PHACTR1: variants seen among roughly 807,000 people sequenced by gnomAD.
PHACTR1 encodes phosphatase and actin regulator 1, also known as RPEL repeat containing 1.
A neutral mutation model predicts 69.2 loss-of-function variants in PHACTR1; 16 were observed. The observed-to-expected ratio is 0.23, with a 90% confidence interval of 0.16 to 0.35. PHACTR1 has a LOEUF of 0.35. PHACTR1 is among the 10% of genes least tolerant of loss of function. The pLI, the probability that PHACTR1 is intolerant of heterozygous loss-of-function variation, is 1.00. For synonymous variants in PHACTR1, 312 were observed against 284.5 expected, an observed-to-expected ratio of 1.10 and a Z score of -0.97; for missense variants, 510 against 734.7, an observed-to-expected ratio of 0.69 and a Z score of 3.54.
chr6:13,284,631 G>T (rs1203500032), intron 13 of PHACTR1, among the ~76,000 whole-genome samples: 3 of 138,448 alleles, frequency 2.2e-5, no homozygotes, highest in African/African-American at 8.3e-5. Flanking sequence ...TGTAGGTAAC[G>T]ATAGAAACTA....
chr6:12,849,574 T>C (rs1030234116), intron 4 of PHACTR1, among the ~76,000 whole-genome samples: 8 of 152,140 alleles, frequency 5.3e-5, no homozygotes, highest in Admixed American at 4.6e-4. Flanking sequence ...AGAGTCCATA[T>C]GGGCGGGAAG....
At chr6:12,790,346 A>G (rs979119899) in intron 4 of PHACTR1, among the ~76,000 whole-genome samples, 4 of 152,118 alleles carry the variant, frequency 2.6e-5, no homozygotes, top group African/African-American at 9.7e-5. Context: ...CACGTCAGGG[A>G]CACTGGTGCC....
chr6:13,157,463 C>A (rs114544084), intron 5 of PHACTR1, among the ~76,000 whole-genome samples: 1,541 of 152,322 alleles, frequency 0.01, 12 homozygotes, highest in Middle Eastern at 0.027. Flanking sequence ...TTATTTCCAG[C>A]CCCAGCCGGT....
At chr6:12,751,495 A>G (rs1766614574) in intron 4 of PHACTR1, among the ~76,000 whole-genome samples, 1 of 152,248 alleles carries the variant, frequency 6.6e-6, no homozygotes, top group East Asian at 1.9e-4. Flanking sequence ...TGCTTAGCCC[A>G]GGAGGAACAG....
chr6:13,094,715 A>G (rs1400811327), intron 5 of PHACTR1, among the ~76,000 whole-genome samples: 1 of 152,226 alleles, frequency 6.6e-6, no homozygotes, highest in Admixed American at 6.5e-5. Flanking sequence ...CAGCACAATT[A>G]TACTACAATC....
At chr6:12,732,800 T>C (rs138671174) in intron 3 of PHACTR1, among the ~76,000 whole-genome samples, 3 of 152,360 alleles carry the variant, frequency 2.0e-5, no homozygotes, top group African/African-American at 7.2e-5. Flanking sequence ...AAGTAGTTCA[T>C]TCTAACTGAA....
chr6:12,967,634 G>A lies in PHACTR1; in HGVS notation c.251-85731G>A, dbSNP rs188855685. ...GAGATCTGGTAGTGTAGAAACAAAG[G>A]CTATGACAAAGAAACCTAAGAAATC... On this transcript the variant is annotated intron_variant, in intron 4 of 14. Coordinates refer to ENST00000332995, the MANE Select transcript of PHACTR1 (RefSeq NM_030948.6). 3.3e-5 allele frequency among the ~76,000 whole-genome samples: 5 copies of A among 151,246 alleles called. No individual in the cohort carries two copies. The East Asian group carries it at 9.8e-4, about 30-fold the overall frequency.
At chr6:12,722,705 G>T (rs925534870) in intron 3 of PHACTR1, among the ~76,000 whole-genome samples, 1 of 152,166 alleles carries the variant, frequency 6.6e-6, no homozygotes, top group Non-Finnish European at 1.5e-5. Flanking sequence ...ACCTCAAGGT[G>T]GGGGAGATCA....
At chr6:13,035,957 T>C (rs1161126839) in intron 4 of PHACTR1, among the ~76,000 whole-genome samples, 1 of 152,230 alleles carries the variant, frequency 6.6e-6, no homozygotes, top group Non-Finnish European at 1.5e-5. Flanking sequence ...ACTTTTCATA[T>C]AGCTAATATT....
At chr6:13,223,796 C>T (rs1769084408) in intron 8 of PHACTR1, among the ~76,000 whole-genome samples, 2 of 152,158 alleles carry the variant, frequency 1.3e-5, no homozygotes, top group African/African-American at 4.8e-5. Context: ...AGGTGAAATG[C>T]AACACTGTGT....
intron 10 of PHACTR1, among the ~76,000 whole-genome samples, chr6:13,263,882 T>C (rs1486662795): frequency 6.6e-6 from 1 of 152,190 alleles, no homozygotes; most frequent in Non-Finnish European, 1.5e-5. Context: ...CAGCTTTCTA[T>C]GTTAACCAGT....
chr6:12,964,267 C>A (rs1375551710), intron 4 of PHACTR1, among the ~76,000 whole-genome samples: 1 of 151,926 alleles, frequency 6.6e-6, no homozygotes, highest in East Asian at 1.9e-4. Flanking sequence ...GGAAATAAAA[C>A]ATGTACATAA....
At chr6:12,892,845 A>G (rs1784292221) in intron 4 of PHACTR1, among the ~76,000 whole-genome samples, 1 of 152,206 alleles carries the variant, frequency 6.6e-6, no homozygotes, top group African/African-American at 2.4e-5. Context: ...AAGTTCCACA[A>G]GAGATATCAT....
At chr6:12,962,339 A>G (rs1318443423) in intron 4 of PHACTR1, among the ~76,000 whole-genome samples, 2 of 152,136 alleles carry the variant, frequency 1.3e-5, no homozygotes, top group African/African-American at 4.8e-5. Context: ...TCACATTCTG[A>G]GGTCACATAC....
At chr6:13,046,301 C>CA (rs1805032517) in intron 4 of PHACTR1, among the ~76,000 whole-genome samples, 2 of 152,158 alleles carry the variant, frequency 1.3e-5, no homozygotes, top group South Asian at 4.1e-4. Context: ...TTGCATTACT[C>CA]AAGTCATCCA....
intron 4 of PHACTR1, among the ~76,000 whole-genome samples, chr6:12,834,941 CG>C (rs770242178): frequency 1.6e-4 from 24 of 152,222 alleles, no homozygotes; most frequent in Non-Finnish European, 2.8e-4. Flanking sequence ...ATACCCTCTT[CG>C]TAAAAATGTA....
At chr6:13,019,694 T>C (rs2127665151) in intron 4 of PHACTR1, among the ~76,000 whole-genome samples, 1 of 152,354 alleles carries the variant, frequency 6.6e-6, no homozygotes, top group South Asian at 2.1e-4. Context: ...TTGTGAAATC[T>C]ATAGCTTGAA....
chr6:13,228,168 T>C, intron 9 of PHACTR1, 105 bp downstream of exon 9: 2 of 1,413,924 alleles, frequency 1.4e-6, no homozygotes, highest in Non-Finnish European at 1.9e-6. Context: ...TAATCCCTGC[T>C]CTGGTGTTGA....
chr6:12,787,144 C>T lies in PHACTR1; in HGVS notation c.250+37354C>T, dbSNP rs181344111. 4.7e-4 allele frequency among the ~76,000 whole-genome samples: 72 copies of T among 152,304 alleles called. No individual in the cohort carries two copies. The East Asian group carries it at 9.6e-3, about 20-fold the overall frequency. On this transcript the variant is annotated intron_variant, in intron 4 of 14. Coordinates refer to ENST00000332995, the MANE Select transcript of PHACTR1 (RefSeq NM_030948.6). ...GAAGGGAGTTTAGAGAGCACCCCGTCCTTAAACAGCTGGTGAAATTAGGAC... is the reference window on the plus strand; with the variant it reads ...GAAGGGAGTTTAGAGAGCACCCCGTTCTTAAACAGCTGGTGAAATTAGGAC...
Sources: gnomAD v4.1 joint callset for allele counts (sites outside exome capture counted in the v4.1 genomes callset) on GRCh38, gnomAD v4.1.1 for gene constraint, MANE v1.5 for transcripts, NCBI Gene and HGNC (gene_info 2026-07-23, HGNC 2026-07-21) for gene names.